Variants in NFIA observed in about 807,000 individuals in gnomAD.
NFIA encodes nuclear factor 1 A-type.
In NFIA, 8 loss-of-function variants were observed where a neutral mutation model predicts 62.8. The observed-to-expected ratio is 0.13, with a 90% CI of 0.07 to 0.23. The LOEUF is 0.23. Ranked by LOEUF, NFIA falls within the 10% of genes least tolerant of loss-of-function variation. The pLI is 1.00. For missense variants in NFIA, 410 were observed against 642.1 expected (o/e 0.64, Z 3.91); for synonymous variants, 235 against 238.1 (o/e 0.99, Z 0.12).
chr1:61,209,673 A>T (rs1653120805), intron 2 of NFIA, among the ~76,000 whole-genome samples: 1 of 88,478 alleles, frequency 1.1e-5, no homozygotes. Flanking sequence ...AAAATACAAC[A>T]ACAACAACAA....
intron 1 of NFIA, among the ~76,000 whole-genome samples, chr1:61,087,197 A>G (rs560820168): frequency 8.5e-5 from 13 of 152,226 alleles, no homozygotes; most frequent in East Asian, 7.7e-4. Flanking sequence ...AGAGGCATCT[A>G]TGAGGGTTTT....
chr1:61,269,806 A>G (rs536611945), intron 2 of NFIA, among the ~76,000 whole-genome samples: 13 of 152,206 alleles, frequency 8.5e-5, no homozygotes, highest in Non-Finnish European at 1.6e-4. Context: ...CTTTTGAGGT[A>G]GCTTCTTGCT....
At chr1:61,101,842 A>C (rs1192494359) in intron 2 of NFIA, among the ~76,000 whole-genome samples, 1 of 152,170 alleles carries the variant, frequency 6.6e-6, no homozygotes, top group Non-Finnish European at 1.5e-5. Context: ...TATAAGTGTG[A>C]GCATGTGTTA....
In NFIA at chr1:61,353,405, A is replaced by G. The variant is rs1662658631; in HGVS notation, c.818+838A>G. 2.0e-5 allele frequency among the ~76,000 whole-genome samples: 3 copies of G among 152,208 alleles called. No homozygotes were observed. In the South Asian group the frequency reaches 6.2e-4, roughly 32 times the overall value. ...ATTTTTGCAAGATCGTGTTGTCTCTAGATAACCTGTACCAGAGGGAAAGGG... is the reference window on the plus strand; with the variant it reads ...ATTTTTGCAAGATCGTGTTGTCTCTGGATAACCTGTACCAGAGGGAAAGGG... On this transcript the variant is annotated intron_variant, in intron 5 of 10. Coordinates refer to ENST00000403491, the MANE Select transcript of NFIA (RefSeq NM_001134673.4).
intron 2 of NFIA, among the ~76,000 whole-genome samples, chr1:61,203,106 T>C (rs1449963276): frequency 6.6e-6 from 1 of 152,242 alleles, no homozygotes; most frequent in Admixed American, 6.5e-5. Context: ...GCAAGGTCTG[T>C]TGGTGCGAGA....
Position 61,276,267 on chromosome 1 carries a change from T to C in NFIA, c.560-1253T>C, listed in dbSNP as rs75365903. Reference sequence around the variant, plus strand: ...AAAAGCAGGGAGTCTTTTAAAGTAATAAATTAGCATTTCTAGACCTAAGGT... The same window carrying C: ...AAAAGCAGGGAGTCTTTTAAAGTAACAAATTAGCATTTCTAGACCTAAGGT... On this transcript the variant is annotated intron_variant, in intron 2 of 10. Transcript: ENST00000403491. Among the ~76,000 whole-genome samples the C allele has an allele frequency of 1.3e-3, 201 of 152,356 alleles. 1 individual carries two copies. The highest frequency in any genetic ancestry group is 4.4e-3 in the African/African-American group (181 of 41,588).
intron 2 of NFIA, among the ~76,000 whole-genome samples, chr1:61,220,335 C>T (rs1281761538): frequency 6.6e-6 from 1 of 152,172 alleles, no homozygotes; most frequent in East Asian, 1.9e-4. Context: ...TGATGCCATC[C>T]CCTCCATTTG....
At chr1:61,195,447 T>C (rs1245523388) in intron 2 of NFIA, among the ~76,000 whole-genome samples, 1 of 152,216 alleles carries the variant, frequency 6.6e-6, no homozygotes, top group African/African-American at 2.4e-5. Context: ...GTCTGTAATT[T>C]ATTCCCATAA....
At chr1:61,338,540 A>G (rs1173856705) in intron 4 of NFIA, among the ~76,000 whole-genome samples, 1 of 152,232 alleles carries the variant, frequency 6.6e-6, no homozygotes, top group African/African-American at 2.4e-5. Context: ...AAGTACCCAT[A>G]TTCAGATGCT....
intron 2 of NFIA, among the ~76,000 whole-genome samples, chr1:61,218,380 G>A (rs530778500): frequency 7.2e-5 from 11 of 152,234 alleles, no homozygotes; most frequent in South Asian, 4.1e-4. Flanking sequence ...GAGTATAGTC[G>A]TCGCTTGGTA....
chr1:61,207,723 G>A (rs1029587109), intron 2 of NFIA, among the ~76,000 whole-genome samples: 1 of 152,236 alleles, frequency 6.6e-6, no homozygotes, highest in East Asian at 1.9e-4. Flanking sequence ...TGAGTGAAAA[G>A]CCTTCTCTGG....
intron 2 of NFIA, among the ~76,000 whole-genome samples, chr1:61,149,844 T>A (rs907567022): frequency 1.3e-5 from 2 of 152,148 alleles, no homozygotes; most frequent in African/African-American, 4.8e-5. Context: ...AAATGGTAGT[T>A]GTTTTGACCA....
chr1:61,138,077 A>C (rs1010451874), intron 2 of NFIA, among the ~76,000 whole-genome samples: 2 of 152,008 alleles, frequency 1.3e-5, no homozygotes, highest in Admixed American at 6.6e-5. Flanking sequence ...TTAGTAAAAC[A>C]AAAAATATTT....
intron 3 of NFIA, among the ~76,000 whole-genome samples, chr1:61,312,522 T>G (rs1325407698): frequency 2.0e-5 from 3 of 152,080 alleles, no homozygotes; most frequent in African/African-American, 7.2e-5. Flanking sequence ...ACTTTTTTTT[T>G]TTTTTGAGAC....
intron 2 of NFIA, among the ~76,000 whole-genome samples, chr1:61,130,326 G>C (rs1347160650): frequency 6.6e-6 from 1 of 152,120 alleles, no homozygotes; most frequent in African/African-American, 2.4e-5. Context: ...ACAACAGACA[G>C]ATGTCATCTT....
intron 2 of NFIA, among the ~76,000 whole-genome samples, chr1:61,234,676 A>T (rs1654885628): frequency 6.6e-6 from 1 of 152,160 alleles, no homozygotes; most frequent in Admixed American, 6.5e-5. Context: ...GGCAAAAAAA[A>T]GGTTGTGCTT....
At chr1:61,368,529 T>C (rs1296812100) in intron 6 of NFIA, among the ~76,000 whole-genome samples, 4 of 152,228 alleles carry the variant, frequency 2.6e-5, no homozygotes, top group Non-Finnish European at 5.9e-5. Flanking sequence ...CTCTGAATTT[T>C]CATTTCCTCA....
intron 10 of NFIA, among the ~76,000 whole-genome samples, chr1:61,437,245 T>A (rs1389316170): frequency 6.6e-6 from 1 of 152,320 alleles, no homozygotes; most frequent in South Asian, 2.1e-4. Context: ...GCAGTCTTCC[T>A]TCCATTGGTC....
intron 5 of NFIA, among the ~76,000 whole-genome samples, chr1:61,355,012 G>T (rs748653499): frequency 1.1e-4 from 15 of 141,286 alleles, no homozygotes; most frequent in Non-Finnish European, 1.9e-4. Context: ...GAACACTCAG[G>T]AAAGTTAAGG....
Sources: allele counts gnomAD v4.1 joint callset (sites outside exome capture counted in the v4.1 genomes callset), GRCh38; gene constraint gnomAD v4.1.1; transcripts MANE v1.5; gene names NCBI Gene and HGNC (gene_info 2026-07-23, HGNC 2026-07-21).